Variants in PBDC1 observed in about 807,000 individuals in gnomAD.
PBDC1 encodes the protein protein PBDC1.
Under a neutral mutation model 12.0 loss-of-function variants are expected in PBDC1, and 3 were observed. The ratio of observed to expected loss-of-function variants is 0.25; its 90% CI spans 0.11 to 0.64. PBDC1 has a LOEUF of 0.64. PBDC1 is among the 30% of genes least tolerant of loss of function. The pLI, the probability that PBDC1 is intolerant of heterozygous loss-of-function variation, is 0.84. For missense variants in PBDC1, 162 were observed against 168.1 expected (o/e 0.96, Z 0.20); for synonymous variants, 64 against 56.4 (o/e 1.13, Z -0.60).
chrX:76,173,198 G>A, intron 1 of PBDC1, 30 bp downstream of exon 1: 3 of 1,140,704 alleles, frequency 2.6e-6, no homozygotes, highest in Non-Finnish European at 3.5e-6. Flanking sequence ...TCGGGTGAGT[G>A]GGGAGGTCGA....
chrX:76,175,199 A>G (rs1309185899), intron 3 of PBDC1, among the ~76,000 whole-genome samples: 2 of 112,753 alleles, frequency 1.8e-5, no homozygotes, highest in African/African-American at 6.4e-5. Flanking sequence ...TAGGCACTTA[A>G]TAAATGTTTG....
rs1033470627 is a variant in PBDC1, at chrX:76,176,800, G to A, written c.298-81G>A. 8.3e-6 allele frequency: 5 copies of A among 601,925 alleles called. No homozygotes were observed. In the East Asian group the frequency reaches 1.3e-4, roughly 16 times the overall value. The allele number at this position is 601,925 out of a possible 1,213,427, so 49.6% of individuals were successfully genotyped here. On this transcript the variant is annotated intron_variant, in intron 4 of 5. Coordinates refer to ENST00000373358, the MANE Select transcript of PBDC1 (RefSeq NM_016500.5). ...CTCACTATGATTATTTTCCTTACTGGGAAAATGGAAGTCCCTCTCCTGGCC... is the reference window on the plus strand; with the variant it reads ...CTCACTATGATTATTTTCCTTACTGAGAAAATGGAAGTCCCTCTCCTGGCC...
Position 76,174,388 on chromosome X carries a change from C to T in PBDC1, c.97-502C>T, listed in dbSNP as rs781818166. On this transcript the variant is annotated intron_variant, in intron 2 of 5. Coordinates refer to ENST00000373358, the MANE Select transcript of PBDC1 (RefSeq NM_016500.5). ...ACCTCCAGTGGGGTGCTTGGTAAGA[C>T]TTATTATAACCTTGACCTGTTTCAT... Among the ~76,000 whole-genome samples, 4 of 111,860 alleles carry T rather than the reference C, an allele frequency of 3.6e-5. No individual in the cohort carries two copies. In the South Asian group the frequency reaches 1.5e-3, roughly 42 times the overall value.
At chrX:76,174,226 A>T in intron 2 of PBDC1, among the ~76,000 whole-genome samples, 1 of 111,728 alleles carries the variant, frequency 9.0e-6, no homozygotes, top group Non-Finnish European at 1.9e-5. Context: ...GTATCCTCAA[A>T]GTGTAGGTGG....
intron 1 of PBDC1, among the ~76,000 whole-genome samples, 175 bp downstream of exon 1, chrX:76,173,343 C>G (rs1192071334): frequency 9.0e-6 from 1 of 111,210 alleles, no homozygotes. Flanking sequence ...ACCTCATCCT[C>G]CCGAGGAGCT....
chrX:76,173,292 C>A, intron 1 of PBDC1, 124 bp downstream of exon 1: 1 of 620,871 alleles, frequency 1.6e-6, no homozygotes, highest in East Asian at 3.7e-5. Context: ...GGGATCACCG[C>A]TTACTGCAGC....
chrX:76,176,544 C>T (rs1404268485), intron 4 of PBDC1, among the ~76,000 whole-genome samples: 2 of 112,215 alleles, frequency 1.8e-5, no homozygotes, highest in Non-Finnish European at 3.8e-5. Context: ...TTATTAAAAT[C>T]ATTTGTGTTT....
At chrX:76,177,505 T>A (rs1220143826) in intron 5 of PBDC1, 111 bp from the exon 6 acceptor site, 1 of 659,739 alleles carries the variant, frequency 1.5e-6, no homozygotes, top group African/African-American at 2.2e-5. Context: ...AAGCTGTGAT[T>A]GTGCCACTGC....
Position 76,175,559 on chromosome X carries a change from C to T in PBDC1, c.243C>T (p.Thr81=), listed in dbSNP as rs376173318. 1 of 1,207,661 alleles carries T rather than the reference C, an allele frequency of 8.3e-7. No homozygotes were observed. The highest frequency in any genetic ancestry group is 1.1e-6 in the Non-Finnish European group (1 of 892,268). The change falls in exon 4 of 6, where the codon ACC becomes ACT. Residue 81 remains threonine, a synonymous_variant. Transcript: ENST00000373358. ...CTGAGTTCCGGAAAAATTTTGAGAC[C>T]CTTAGGATAGATGTGTTGGACCCAG... is the stretch of plus-strand genomic sequence containing the variant. ...IYSEFRKNFE[T]LRIDVLDPEE... is the part of the protein sequence containing the mutation.
At chrX:76,177,350 A>G (rs1924818200) in intron 5 of PBDC1, among the ~76,000 whole-genome samples, 1 of 110,721 alleles carries the variant, frequency 9.0e-6, no homozygotes, top group Non-Finnish European at 1.9e-5. Context: ...GGATTTTGAG[A>G]CCAGCCTGGG....
At position 76,174,922 on chromosome X, in the gene PBDC1, A is replaced by G. The variant is rs1556796787; in HGVS notation, c.129A>G (p.Ala43=). The G allele has an allele frequency of 8.3e-6, 10 of 1,206,655 alleles. No homozygotes were observed. In the South Asian group the frequency reaches 1.6e-4, roughly 19 times the overall value. The change falls in exon 3 of 6, where the codon GCA becomes GCG. Residue 43 remains alanine (A), a synonymous_variant. Transcript: ENST00000373358. ...PDIEMAWAMR[A]MQHAEVYYKL... ...TTGAGATGGCTTGGGCCATGAGAGC[A>G]ATGCAGCATGCTGAAGTCTATTACA...
chrX:76,176,159 G>GTT (rs35405679), intron 4 of PBDC1, among the ~76,000 whole-genome samples: 174 of 98,333 alleles, frequency 1.8e-3, no homozygotes, highest in African/African-American at 2.6e-3. Flanking sequence ...TTGTTTTTTG[G>GTT]TTTTTTTTTT....
At chrX:76,175,192 G>A (rs1360707662) in intron 3 of PBDC1, among the ~76,000 whole-genome samples, 1 of 112,618 alleles carries the variant, frequency 8.9e-6, no homozygotes, top group Non-Finnish European at 1.9e-5. Flanking sequence ...TACATAGTAG[G>A]CACTTAATAA....
In PBDC1 at chrX:76,173,565, C is replaced by T. The variant is rs1556796628; in HGVS notation, c.31-20C>T. ...GCCCGGCCTTGGGGGGAGCCTTGAA[C>T]TCTTTTTCCTCCTTTCTAGGTTTCC... On this transcript the variant is annotated intron_variant, in intron 1 of 5. Transcript: ENST00000373358. 2 of 1,176,932 alleles carry T rather than the reference C, an allele frequency of 1.7e-6. No homozygotes were observed. Among genetic ancestry groups the T allele is most frequent in the South Asian group, 3.9e-5 (2 of 51,464 alleles).
chrX:76,174,332 C>T (rs1397809879), intron 2 of PBDC1, among the ~76,000 whole-genome samples: 1 of 111,231 alleles, frequency 9.0e-6, no homozygotes, highest in Non-Finnish European at 1.9e-5. Flanking sequence ...TGAAATAGCT[C>T]GGTCTCGTTG....
rs2301864 is a variant in PBDC1, at chrX:76,174,878, A to G, written c.97-12A>G. The G allele has an allele frequency of 0.011, 12,914 of 1,199,484 alleles. 62 individuals carry two copies. Among genetic ancestry groups the G allele is most frequent in the East Asian group, 0.029 (964 of 33,687 alleles). On this transcript the variant is annotated splice_polypyrimidine_tract_variant and intron_variant, in intron 2 of 5. Transcript: ENST00000373358. The stretch of plus-strand genomic sequence containing the variant: ...GGAGATTTATGACCTGGCATTCTTC[A>G]CTCCTTTGCAGCCTGACATTGAGAT...
At position 76,173,162 on chromosome X, in the gene PBDC1, T is replaced by G; in HGVS notation, c.24T>G (p.Asp8Glu). The change falls in exon 1 of 6, where the codon GAT becomes GAG. Residue 8 changes from aspartate (D) to glutamate (E), a missense_variant. Asp to Glu is a conservative substitution (Grantham distance 45). This residue lies in a region of PBDC1 where 41 missense variants were observed against 28.5 expected (regional missense o/e 1.44). Transcript: ENST00000373358. ...AGATGGCGGCCACCAGTGGAACTGA[T>G]GAGCCGGTGAGACGCTGTTCTGGGG... MAATSGT[D>E]EPVSGELVSV... 1.7e-6 allele frequency: 2 copies of G among 1,175,209 alleles called. No homozygotes were observed. Among genetic ancestry groups the G allele is most frequent in the Non-Finnish European group, 2.3e-6 (2 of 876,928 alleles).
In PBDC1 at chrX:76,178,269, C is replaced by T. The variant is rs941208305; in HGVS notation, c.*361C>T. Reference sequence around the variant, plus strand: ...ATTTTTTTCAAATATGTAATCTCATCACCATGTCTTATATAAGATAATTTA... The same window carrying T: ...ATTTTTTTCAAATATGTAATCTCATTACCATGTCTTATATAAGATAATTTA... On this transcript the variant is annotated 3_prime_UTR_variant, in exon 6 of 6. Coordinates refer to ENST00000373358, the MANE Select transcript of PBDC1 (RefSeq NM_016500.5). 5 of 256,892 alleles carry T rather than the reference C, an allele frequency of 1.9e-5. No homozygotes were observed. The Admixed American group carries it at 2.4e-4, about 12-fold the overall frequency. 21.2% of individuals were successfully genotyped at this position (256,892 alleles called of 1,213,427 possible). A position where few individuals can be genotyped will look rare whatever the true frequency, so the allele number is the denominator to read the frequency against.
Position 76,177,920 on chromosome X carries a change from A to G in PBDC1, c.*12A>G. 8.3e-7 allele frequency: 1 copy of G among 1,208,432 alleles called. No individual in the cohort carries two copies. The highest frequency in any genetic ancestry group is 2.3e-4 in the Middle Eastern group (1 of 4,337). Reference sequence around the variant, plus strand: ...AAAAAGCTATGTAAGGTATACAGGGAACAGCACTCTAGAAGCTATGACTCA... The same window carrying G: ...AAAAAGCTATGTAAGGTATACAGGGGACAGCACTCTAGAAGCTATGACTCA... On this transcript the variant is annotated 3_prime_UTR_variant, in exon 6 of 6. Coordinates refer to ENST00000373358, the MANE Select transcript of PBDC1 (RefSeq NM_016500.5).
Sources: allele counts gnomAD v4.1 joint callset (sites outside exome capture counted in the v4.1 genomes callset), GRCh38; gene constraint gnomAD v4.1.1; regional missense constraint gnomAD v4.1.1; transcripts MANE v1.5; gene names NCBI Gene and HGNC (gene_info 2026-07-23, HGNC 2026-07-21).